CDH18: variants seen among roughly 807,000 people sequenced by gnomAD.
CDH18 encodes the protein cadherin 18, also known as cadherin-18.
A neutral mutation model predicts 67.9 loss-of-function variants in CDH18; 31 were observed. The observed-to-expected ratio is 0.46, with a 90% CI of 0.34 to 0.62. The LOEUF (loss-of-function observed/expected upper bound fraction) is 0.62, where lower values mean the gene tolerates loss of function less well. CDH18 is among the 20% of genes least tolerant of loss of function. The probability of loss-of-function intolerance (pLI) is 0.01; values close to 1 mark genes in which losing one functional copy is unlikely to be tolerated. For synonymous variants in CDH18, 362 were observed against 347.2 expected (o/e 1.04, Z -0.48); for missense variants, 890 against 975.5 (o/e 0.91, Z 1.17).
chr5:20,268,639 A>G (rs1169620392), intron 1 of CDH18, among the ~76,000 whole-genome samples: 2 of 152,098 alleles, frequency 1.3e-5, no homozygotes, highest in Non-Finnish European at 2.9e-5. Flanking sequence ...AGGTGGGAGG[A>G]TCATGAGTCC....
intron 1 of CDH18, among the ~76,000 whole-genome samples, chr5:20,380,645 T>C (rs1743836574): frequency 6.6e-6 from 1 of 152,178 alleles, no homozygotes; most frequent in African/African-American, 2.4e-5. Context: ...TAAGGTATTA[T>C]TTTTGAAATA....
chr5:20,000,523 A>T lies in CDH18; in HGVS notation c.-517-8509T>A, dbSNP rs1736358265. Among the ~76,000 whole-genome samples, 3 of 152,302 alleles carry T rather than the reference A, an allele frequency of 2.0e-5. No homozygotes were observed. The South Asian group carries it at 6.2e-4, about 32-fold the overall frequency. Reference sequence around the variant, plus strand: ...GTTGTAAGATCTGGTTAGAAACATAATAGTTTTGGTTTGAAATATGCTGAT... The same window carrying T: ...GTTGTAAGATCTGGTTAGAAACATATTAGTTTTGGTTTGAAATATGCTGAT... On this transcript the variant is annotated intron_variant, in intron 2 of 14. Transcript: ENST00000507958.
intron 12 of CDH18, chr5:19,478,365 C>G (rs371945406): frequency 4.5e-4 from 69 of 152,148 alleles, no homozygotes; most frequent in African/African-American, 1.6e-3. Context: ...TGGCCTGAGT[C>G]AGGGAGGTTA....
chr5:19,621,585 T>C (rs1024347323), intron 5 of CDH18, among the ~76,000 whole-genome samples: 2 of 152,182 alleles, frequency 1.3e-5, no homozygotes, highest in African/African-American at 4.8e-5. Flanking sequence ...GAACAAATAC[T>C]GCATGATCTT....
At chr5:20,569,586 G>A (rs1254467069) in intron 1 of CDH18, among the ~76,000 whole-genome samples, 1 of 152,044 alleles carries the variant, frequency 6.6e-6, no homozygotes, top group Non-Finnish European at 1.5e-5. Context: ...ACTCCAGCCT[G>A]GGCAACAGAG....
chr5:20,552,590 T>G (rs1423711137), intron 1 of CDH18, among the ~76,000 whole-genome samples: 1 of 152,170 alleles, frequency 6.6e-6, no homozygotes, highest in Non-Finnish European at 1.5e-5. Flanking sequence ...TCTCAAATAT[T>G]GTCAGGGTTT....
intron 2 of CDH18, among the ~76,000 whole-genome samples, chr5:19,938,138 A>C (rs1027880196): frequency 6.6e-6 from 1 of 150,478 alleles, no homozygotes; most frequent in Non-Finnish European, 1.5e-5. Flanking sequence ...TAGAGGGTGT[A>C]TACTGTGAAG....
chr5:20,464,389 G>A (rs1291192643), intron 1 of CDH18, among the ~76,000 whole-genome samples: 1 of 152,158 alleles, frequency 6.6e-6, no homozygotes, highest in Non-Finnish European at 1.5e-5. Flanking sequence ...AGCGGCCATG[G>A]AACATAAATC....
chr5:20,068,512 C>T (rs1484894536), intron 2 of CDH18, among the ~76,000 whole-genome samples: 2 of 151,890 alleles, frequency 1.3e-5, no homozygotes. Flanking sequence ...ATTATTTTTT[C>T]TTCAAAAGAA....
chr5:20,260,619 T>C (rs771666399), intron 1 of CDH18, among the ~76,000 whole-genome samples: 17 of 152,158 alleles, frequency 1.1e-4, no homozygotes, highest in African/African-American at 3.6e-4. Context: ...ATTGTACAGG[T>C]ACTGTGTAAT....
intron 2 of CDH18, among the ~76,000 whole-genome samples, chr5:20,187,283 A>G (rs1738174924): frequency 6.6e-6 from 1 of 151,916 alleles, no homozygotes; most frequent in South Asian, 2.1e-4. Context: ...TAAATTTTGT[A>G]TTATGTATAT....
chr5:20,025,458 A>G (rs1738814284), intron 2 of CDH18, among the ~76,000 whole-genome samples: 1 of 152,178 alleles, frequency 6.6e-6, no homozygotes, highest in South Asian at 2.1e-4. Flanking sequence ...CTGTTTTTTT[A>G]TACTCAATTG....
intron 1 of CDH18, among the ~76,000 whole-genome samples, chr5:20,258,657 T>C (rs1375068871): frequency 6.6e-6 from 1 of 152,182 alleles, no homozygotes; most frequent in Non-Finnish European, 1.5e-5. Flanking sequence ...TTAATTTTAA[T>C]TATTTTTCAA....
rs115770734 is a variant in CDH18, at chr5:20,391,708, A to G, written c.-579-136203T>C. ...AATACATCACGTTAATAATTTCACA[A>G]TTTGGTCTCTGACATTGATGTGTAA... is the stretch of plus-strand genomic sequence containing the variant. On this transcript the variant is annotated intron_variant, in intron 1 of 14. Coordinates refer to the CDH18 transcript ENST00000507958. 3.9e-3 allele frequency among the ~76,000 whole-genome samples: 598 copies of G among 152,090 alleles called. 6 individuals are homozygous for G. The highest frequency in any genetic ancestry group is 0.014 in the African/African-American group (585 of 41,542).
chr5:20,221,308 C>A (rs1349181685), intron 2 of CDH18, among the ~76,000 whole-genome samples: 2 of 151,936 alleles, frequency 1.3e-5, no homozygotes, highest in African/African-American at 2.4e-5. Context: ...CTGTCATTTG[C>A]AACTACATGG....
At chr5:20,353,863 A>G (rs1195415923) in intron 1 of CDH18, among the ~76,000 whole-genome samples, 2 of 152,206 alleles carry the variant, frequency 1.3e-5, no homozygotes, top group African/African-American at 4.8e-5. Context: ...TGGAAAGGAA[A>G]CTAGACAGGT....
chr5:20,249,742 C>A (rs2126589177), intron 2 of CDH18, among the ~76,000 whole-genome samples: 1 of 152,242 alleles, frequency 6.6e-6, no homozygotes, highest in East Asian at 1.9e-4. Context: ...CTTTTGAATT[C>A]TATTGTAAAG....
intron 2 of CDH18, among the ~76,000 whole-genome samples, chr5:20,193,794 A>G (rs1259812751): frequency 6.6e-6 from 1 of 152,162 alleles, no homozygotes; most frequent in East Asian, 1.9e-4. Flanking sequence ...GGCTGGTTCA[A>G]CATAAGCAAA....
At chr5:19,512,707 G>A (rs1407177894) in intron 10 of CDH18, among the ~76,000 whole-genome samples, 1 of 152,084 alleles carries the variant, frequency 6.6e-6, no homozygotes, top group African/African-American at 2.4e-5. Context: ...ATTAATGGGT[G>A]TTGAATTTTC....
Sources: gnomAD v4.1 joint callset for allele counts (sites outside exome capture counted in the v4.1 genomes callset) on GRCh38, gnomAD v4.1.1 for gene constraint, MANE v1.5 for transcripts, NCBI Gene and HGNC (gene_info 2026-07-23, HGNC 2026-07-21) for gene names.